Variants in LRP1B observed in about 807,000 individuals in gnomAD.
LRP1B encodes the protein LDL receptor related protein 1B.
A neutral mutation model predicts 556.6 loss-of-function variants in LRP1B; 217 were observed. The ratio of observed to expected loss-of-function variants is 0.39; its 90% CI spans 0.35 to 0.44. The LOEUF (loss-of-function observed/expected upper bound fraction) is 0.44. Ranked by LOEUF, LRP1B falls within the 20% of genes least tolerant of loss-of-function variation. The pLI is 1.00. For synonymous variants in LRP1B, 2,047 were observed against 1,865.8 expected, an observed-to-expected ratio of 1.10 and a Z score of -2.50; for missense variants, 5,053 against 5,620.8, an observed-to-expected ratio of 0.90 and a Z score of 3.23.
intron 2 of LRP1B, among the ~76,000 whole-genome samples, chr2:141,554,985 C>T (rs1002155962): frequency 9.9e-5 from 15 of 152,024 alleles, no homozygotes; most frequent in Admixed American, 9.2e-4. Context: ...AACTGCGTAA[C>T]CTAATAGCAC....
At chr2:140,629,517 A>T (rs1361914456) in intron 41 of LRP1B, among the ~76,000 whole-genome samples, 1 of 152,226 alleles carries the variant, frequency 6.6e-6, no homozygotes, top group Non-Finnish European at 1.5e-5. Flanking sequence ...TGATTTTTGT[A>T]ACAGAAAAGT....
At chr2:142,008,287 T>G (rs1358074674) in intron 1 of LRP1B, among the ~76,000 whole-genome samples, 1 of 152,108 alleles carries the variant, frequency 6.6e-6, no homozygotes, top group Non-Finnish European at 1.5e-5. Flanking sequence ...CTGGACAGAG[T>G]GCTCTAGCCG....
intron 10 of LRP1B, among the ~76,000 whole-genome samples, chr2:141,051,665 G>A (rs565889965): frequency 2.6e-5 from 4 of 152,122 alleles, no homozygotes; most frequent in Admixed American, 6.6e-5. Flanking sequence ...AGAAAGAGCC[G>A]ATATCTTGAT....
At chr2:140,291,126 G>T (rs1014908724) in intron 84 of LRP1B, among the ~76,000 whole-genome samples, 1 of 151,112 alleles carries the variant, frequency 6.6e-6, no homozygotes, top group Non-Finnish European at 1.5e-5. Context: ...GATTTATCTT[G>T]CCAGCCCTCC....
chr2:141,406,580 A>G (rs1690648057), intron 3 of LRP1B, among the ~76,000 whole-genome samples: 2 of 151,674 alleles, frequency 1.3e-5, no homozygotes, highest in South Asian at 4.1e-4. Flanking sequence ...CTATCTATCT[A>G]TCTATCTATC....
chr2:141,238,281 T>C (rs1683733806), intron 5 of LRP1B, among the ~76,000 whole-genome samples: 1 of 152,158 alleles, frequency 6.6e-6, no homozygotes, highest in African/African-American at 2.4e-5. Context: ...ATATTTTCTC[T>C]ACTCAGACAT....
At chr2:141,164,001 CAAAAT>C (rs1680145907) in intron 7 of LRP1B, among the ~76,000 whole-genome samples, 1 of 147,372 alleles carries the variant, frequency 6.8e-6, no homozygotes, top group Non-Finnish European at 1.5e-5. Flanking sequence ...ACCTAATAAA[CAAAAT>C]AAGACTTTGA....
At chr2:141,791,378 T>C (rs912398307) in intron 2 of LRP1B, among the ~76,000 whole-genome samples, 2 of 151,730 alleles carry the variant, frequency 1.3e-5, no homozygotes, top group Non-Finnish European at 2.9e-5. Context: ...TTGAGCTATA[T>C]ACACACACAC....
intron 2 of LRP1B, among the ~76,000 whole-genome samples, chr2:141,796,707 T>A (rs533989817): frequency 1.4e-4 from 21 of 151,824 alleles, no homozygotes; most frequent in Non-Finnish European, 2.8e-4. Context: ...TATTATAGGT[T>A]CCTCAACTTG....
chr2:142,036,384 G>T (rs907247250), intron 1 of LRP1B, among the ~76,000 whole-genome samples: 9 of 151,596 alleles, frequency 5.9e-5, no homozygotes, highest in Non-Finnish European at 1.2e-4. Flanking sequence ...CATTTTTGAA[G>T]AATTATATAT....
chr2:141,832,325 T>TCACA (rs1394312046), intron 1 of LRP1B, among the ~76,000 whole-genome samples: 7 of 86,364 alleles, frequency 8.1e-5, no homozygotes, highest in African/African-American at 3.0e-4. Flanking sequence ...TCTCTTTCTC[T>TCACA]CTCACACACA....
chr2:140,654,025 CAAAAAAAAAAAAAAAA>C (rs61199077), intron 41 of LRP1B, among the ~76,000 whole-genome samples: 4,309 of 35,456 alleles, frequency 0.12, 131 homozygotes, highest in Middle Eastern at 0.27. Context: ...GACTCCATCT[CAAAAAAAAAAAAAAAA>C]AAAAAAAAAA....
chr2:141,861,613 G>T (rs1558924747), intron 1 of LRP1B, among the ~76,000 whole-genome samples: 1 of 152,100 alleles, frequency 6.6e-6, no homozygotes. Flanking sequence ...TGTTATAAAT[G>T]TATAAACTCT....
intron 1 of LRP1B, among the ~76,000 whole-genome samples, chr2:141,905,441 A>C (rs1210757270): frequency 1.3e-5 from 2 of 152,004 alleles, no homozygotes; most frequent in South Asian, 4.2e-4. Context: ...AGTGAGTCCA[A>C]TCAACGAGGT....
intron 3 of LRP1B, among the ~76,000 whole-genome samples, chr2:141,325,170 C>T (rs1399194977): frequency 6.6e-6 from 1 of 151,486 alleles, no homozygotes; most frequent in Non-Finnish European, 1.5e-5. Flanking sequence ...TTCATTTTTG[C>T]TGTTTTAGGG....
chr2:140,799,668 A>G (rs1365224674), intron 32 of LRP1B, among the ~76,000 whole-genome samples: 2 of 152,224 alleles, frequency 1.3e-5, no homozygotes, highest in African/African-American at 4.8e-5. Context: ...ATGTTTGCAT[A>G]TATCTCAGTG....
chr2:141,714,767 T>C (rs1244955006), intron 2 of LRP1B, among the ~76,000 whole-genome samples: 5 of 152,058 alleles, frequency 3.3e-5, no homozygotes, highest in Non-Finnish European at 7.4e-5. Context: ...GTCCAAATCA[T>C]CTAGAATGTC....
intron 66 of LRP1B, among the ~76,000 whole-genome samples, chr2:140,408,114 T>C (rs1684824009): frequency 6.6e-6 from 1 of 151,930 alleles, no homozygotes; most frequent in Non-Finnish European, 1.5e-5. Flanking sequence ...CCCTTATAAG[T>C]GGAAGCTAAG....
At chr2:141,205,840 AG>A (rs986613114) in intron 6 of LRP1B, among the ~76,000 whole-genome samples, 1 of 152,220 alleles carries the variant, frequency 6.6e-6, no homozygotes, top group African/African-American at 2.4e-5. Context: ...AACAAGAAAA[AG>A]ATCATTTATT....
Sources: gnomAD v4.1 joint callset for allele counts (sites outside exome capture counted in the v4.1 genomes callset) on GRCh38, gnomAD v4.1.1 for gene constraint, MANE v1.5 for transcripts, NCBI Gene and HGNC (gene_info 2026-07-23, HGNC 2026-07-21) for gene names.